Variants in ARID2 observed in about 807,000 individuals in gnomAD.
ARID2 encodes AT-rich interactive domain-containing protein 2.
Under a neutral mutation model 184.6 loss-of-function variants are expected in ARID2, and 32 were observed. The observed-to-expected ratio is 0.17, with a 90% CI of 0.13 to 0.23. The LOEUF is 0.23. ARID2 is among the 10% of genes least tolerant of loss of function. The probability of loss-of-function intolerance (pLI) is 1.00; values close to 1 mark genes in which losing one functional copy is unlikely to be tolerated. For synonymous variants in ARID2, 836 were observed against 772.6 expected (o/e 1.08, Z -1.36); for missense variants, 1,696 against 2,197.6 (o/e 0.77, Z 4.56).
At chr12:45,889,037 A>G (rs1366024863) in intron 16 of ARID2, among the ~76,000 whole-genome samples, 1 of 152,158 alleles carries the variant, frequency 6.6e-6, no homozygotes, top group Non-Finnish European at 1.5e-5. Context: ...AAAAAATACA[A>G]AAATTAGGCA....
intron 16 of ARID2, among the ~76,000 whole-genome samples, chr12:45,869,017 T>C (rs1002952909): frequency 1.7e-5 from 2 of 115,762 alleles, no homozygotes; most frequent in East Asian, 2.2e-4. Flanking sequence ...TGGGTTGCAA[T>C]TGCTTTTTGT....
At chr12:45,731,897 A>C (rs1484544908) in intron 3 of ARID2, among the ~76,000 whole-genome samples, 1 of 152,020 alleles carries the variant, frequency 6.6e-6, no homozygotes, top group Non-Finnish European at 1.5e-5. Flanking sequence ...AATTTAAATT[A>C]GATAATTTAA....
intron 3 of ARID2, among the ~76,000 whole-genome samples, chr12:45,782,716 A>C (rs1419349013): frequency 6.6e-6 from 1 of 152,130 alleles, no homozygotes; most frequent in Admixed American, 6.5e-5. Flanking sequence ...TAGGACTTGA[A>C]CTAAAGTCCT....
intron 2 of ARID2, 87 bp downstream of exon 2, chr12:45,730,224 G>A (rs1298309972): frequency 4.4e-6 from 6 of 1,357,188 alleles, no homozygotes; most frequent in Admixed American, 4.2e-5. Flanking sequence ...CTTGGGGCTG[G>A]GGGGGTGGCC....
chr12:45,860,995 G>C (rs548925082), intron 16 of ARID2, 46 bp downstream of exon 16: 279 of 1,402,330 alleles, frequency 2.0e-4, no homozygotes, highest in Non-Finnish European at 2.5e-4. Context: ...CTTTGTTTTG[G>C]AATGCTTTTA....
chr12:45,821,498 T>C lies in ARID2; in HGVS notation c.705+11T>C, dbSNP rs1216005219. The C allele has an allele frequency of 6.8e-7, 1 of 1,467,488 alleles. No homozygotes were observed. Among genetic ancestry groups the C allele is most frequent in the Admixed American group, 2.5e-5 (1 of 39,428 alleles). 90.9% of individuals were successfully genotyped at this position (1,467,488 alleles called of 1,614,324 possible). ...AGAGACTTCGTTAAGGTAAATCATTTTAATTAAAATGTTGATTCATTGAGT... is the reference window on the plus strand; with the variant it reads ...AGAGACTTCGTTAAGGTAAATCATTCTAATTAAAATGTTGATTCATTGAGT... On this transcript the variant is annotated intron_variant, in intron 6 of 20. Transcript: ENST00000334344.
At chr12:45,793,706 T>C (rs191544442) in intron 3 of ARID2, among the ~76,000 whole-genome samples, 12 of 151,916 alleles carry the variant, frequency 7.9e-5, no homozygotes, top group Admixed American at 3.9e-4. Context: ...CACACACACA[T>C]ATATATCTCA....
chr12:45,802,675 A>G (rs1942529078), intron 3 of ARID2, among the ~76,000 whole-genome samples: 1 of 152,132 alleles, frequency 6.6e-6, no homozygotes, highest in African/African-American at 2.4e-5. Flanking sequence ...GATTGGCATC[A>G]CTTATAAATA....
intron 3 of ARID2, among the ~76,000 whole-genome samples, chr12:45,740,415 GCACACTCATACA>G (rs1267950019): frequency 2.0e-5 from 3 of 151,538 alleles, no homozygotes; most frequent in Non-Finnish European, 4.4e-5. Context: ...GTGATGGTGT[GCACACTCATACA>G]CACACTATCA....
chr12:45,859,508 G>C (rs1943706767), intron 15 of ARID2, among the ~76,000 whole-genome samples: 1 of 152,120 alleles, frequency 6.6e-6, no homozygotes, highest in South Asian at 2.1e-4. Context: ...TGTTTTCCCA[G>C]AGTTTTAATT....
At chr12:45,828,629 A>G (rs1006969655) in intron 6 of ARID2, among the ~76,000 whole-genome samples, 6 of 151,906 alleles carry the variant, frequency 3.9e-5, no homozygotes, top group African/African-American at 1.5e-4. Context: ...AGTATTTGGT[A>G]TTGTCAGTCT....
chr12:45,811,155 G>A (rs984736948), intron 3 of ARID2, among the ~76,000 whole-genome samples: 2 of 151,070 alleles, frequency 1.3e-5, no homozygotes, highest in Non-Finnish European at 2.9e-5. Context: ...CTTGCAGTGA[G>A]CTGAGATCGC....
At chr12:45,776,770 T>G (rs1311429297) in intron 3 of ARID2, among the ~76,000 whole-genome samples, 2 of 146,716 alleles carry the variant, frequency 1.4e-5, no homozygotes, top group East Asian at 4.0e-4. Context: ...GGCAACATAG[T>G]GAGATTCCGG....
chr12:45,771,356 CAAAAA>C (rs57398188), intron 3 of ARID2, among the ~76,000 whole-genome samples: 3 of 66,478 alleles, frequency 4.5e-5, no homozygotes, highest in Admixed American at 1.8e-4. Context: ...GAGTCCATGT[CAAAAA>C]AAAAAAAAAA....
chr12:45,793,563 G>A (rs531804685), intron 3 of ARID2, among the ~76,000 whole-genome samples: 4 of 150,654 alleles, frequency 2.7e-5, no homozygotes, highest in South Asian at 2.1e-4. Flanking sequence ...GTGTGTGTGT[G>A]TATATGTATT....
At chr12:45,826,588 T>C (rs1016134069) in intron 6 of ARID2, among the ~76,000 whole-genome samples, 2 of 151,902 alleles carry the variant, frequency 1.3e-5, no homozygotes, top group Non-Finnish European at 1.5e-5. Context: ...CTAACTTATT[T>C]TTTATTTTTT....
At chr12:45,869,487 G>A (rs769630087) in intron 16 of ARID2, among the ~76,000 whole-genome samples, 1 of 151,768 alleles carries the variant, frequency 6.6e-6, no homozygotes, top group Non-Finnish European at 1.5e-5. Context: ...ATTGCTAGGT[G>A]GTAGTCTTAT....
chr12:45,862,919 T>C (rs1226258841), intron 16 of ARID2, among the ~76,000 whole-genome samples: 1 of 152,098 alleles, frequency 6.6e-6, no homozygotes, highest in African/African-American at 2.4e-5. Flanking sequence ...AGCTTTTCAC[T>C]ACTGCATTGC....
chr12:45,801,578 A>G (rs1942502504), intron 3 of ARID2, among the ~76,000 whole-genome samples: 1 of 152,212 alleles, frequency 6.6e-6, no homozygotes, highest in Admixed American at 6.5e-5. Flanking sequence ...GCCTCTTAAT[A>G]TATACACTAG....
Sources: gnomAD v4.1 joint callset for allele counts (sites outside exome capture counted in the v4.1 genomes callset) on GRCh38, gnomAD v4.1.1 for gene constraint, MANE v1.5 for transcripts, NCBI Gene and HGNC (gene_info 2026-07-23, HGNC 2026-07-21) for gene names.